The following SMAD6 variants were observed in gnomAD, a reference collection of about 807,000 sequenced individuals.
The protein encoded by SMAD6 is SMAD family member 6, also known as MAD homolog 6.
Under a neutral mutation model 39.4 loss-of-function variants are expected in SMAD6, and 103 were observed. The observed-to-expected ratio is 2.62, with a 90% CI of 2.23 to 3.08. The LOEUF (loss-of-function observed/expected upper bound fraction) is 3.08, where lower values mean the gene tolerates loss of function less well. Ranked by LOEUF, SMAD6 falls within the 30% of genes most tolerant of loss-of-function variation. The probability of loss-of-function intolerance (pLI) is 0.00; values close to 1 mark genes in which losing one functional copy is unlikely to be tolerated. For synonymous variants in SMAD6, 445 were observed against 353.3 expected, an observed-to-expected ratio of 1.26 and a Z score of -2.91; for missense variants, 1,104 against 742.9, an observed-to-expected ratio of 1.49 and a Z score of -5.65.
rs1893039873 is a variant in SMAD6 at position 66,703,821 on chromosome 15, T to G, written c.563T>G (p.Leu188Arg). ...CTGAAGCGGCTCAAGGAGCGCTCGC[T>G]GGACACGCTGCTGGAGGCGGTGGAG... is the stretch of plus-strand genomic sequence containing the variant. The part of the protein sequence containing the change: ...SLLKRLKERS[L>R]DTLLEAVESR... The change falls in exon 1 of 4, where the codon CTG becomes CGG. Residue 188 changes from leucine to arginine, a missense_variant. Leu to Arg is a moderately radical substitution (Grantham distance 102, BLOSUM62 -2). Coordinates refer to ENST00000288840, the MANE Select transcript of SMAD6 (RefSeq NM_005585.5). 2.1e-6 allele frequency: 3 copies of G among 1,421,526 alleles called. No homozygotes were observed. Among genetic ancestry groups the G allele is most frequent in the Non-Finnish European group, 2.8e-6 (3 of 1,076,472 alleles). 88.1% of individuals were successfully genotyped at this position (1,421,526 alleles called of 1,614,324 possible). A position where few individuals can be genotyped will look rare whatever the true frequency, so the allele number is the denominator to read the frequency against.
intron 3 of SMAD6, among the ~76,000 whole-genome samples, chr15:66,731,002 AGCTT>A (rs10549819): frequency 0.023 from 3,540 of 152,302 alleles, 120 homozygotes; most frequent in African/African-American, 0.076. Flanking sequence ...GGCTGTGTAG[AGCTT>A]GTTGTTTTTG....
chr15:66,775,992 C>T (rs1400163544), intron 3 of SMAD6, among the ~76,000 whole-genome samples: 1 of 152,210 alleles, frequency 6.6e-6, no homozygotes, highest in Non-Finnish European at 1.5e-5. Context: ...CATAGTGTTG[C>T]AGAGCACGTC....
intron 3 of SMAD6, among the ~76,000 whole-genome samples, chr15:66,722,948 C>T (rs1354065721): frequency 6.6e-6 from 1 of 152,180 alleles, no homozygotes; most frequent in Non-Finnish European, 1.5e-5. Context: ...CAGGCAAATT[C>T]CTCACCTCTC....
At chr15:66,773,307 C>T (rs1894410423) in intron 3 of SMAD6, among the ~76,000 whole-genome samples, 2 of 152,170 alleles carry the variant, frequency 1.3e-5, no homozygotes, top group African/African-American at 4.8e-5. Context: ...TCGTTCTAAG[C>T]TGTTGACCAT....
chr15:66,716,338 A>G (rs920607023), intron 2 of SMAD6, 83 bp from the exon 3 acceptor site: 14 of 961,970 alleles, frequency 1.5e-5, no homozygotes, highest in African/African-American at 1.1e-4. Context: ...ACACGTGCAC[A>G]TGTACAGAGA....
chr15:66,782,794 C>T lies in SMAD6; in HGVS notation c.*1259C>T, dbSNP rs1004513332. The T allele has an allele frequency of 6.6e-6, 1 of 152,230 alleles. No homozygotes were observed. Among genetic ancestry groups the T allele is most frequent in the African/African-American group, 2.4e-5 (1 of 41,456 alleles). 9.4% of individuals were successfully genotyped at this position (152,230 alleles called of 1,614,324 possible). ...GAGATTTATATTAACATATTAAGTG[C>T]TCTGAGAAGTCCTGTGTATTATCTC... On this transcript the variant is annotated 3_prime_UTR_variant, in exon 4 of 4. Coordinates refer to ENST00000288840, the MANE Select transcript of SMAD6 (RefSeq NM_005585.5).
At chr15:66,755,653 C>T (rs1001647192) in intron 3 of SMAD6, among the ~76,000 whole-genome samples, 1 of 152,232 alleles carries the variant, frequency 6.6e-6, no homozygotes, top group Non-Finnish European at 1.5e-5. Context: ...CTGCAGCTAT[C>T]TGCTTACCTG....
intron 3 of SMAD6, among the ~76,000 whole-genome samples, chr15:66,728,273 C>T (rs1338493015): frequency 6.6e-6 from 1 of 152,244 alleles, no homozygotes; most frequent in South Asian, 2.1e-4. Context: ...TCAGCTCTAT[C>T]CTGACTTCTA....
intron 2 of SMAD6, 95 bp downstream of exon 2, chr15:66,711,819 G>A: frequency 1.0e-6 from 1 of 1,004,106 alleles, no homozygotes; most frequent in Non-Finnish European, 1.6e-6. Flanking sequence ...TGGAGGGCTG[G>A]AGGGCTGGAG....
intron 3 of SMAD6, among the ~76,000 whole-genome samples, chr15:66,721,348 G>A (rs975864551): frequency 6.6e-6 from 1 of 152,078 alleles, no homozygotes; most frequent in African/African-American, 2.4e-5. Context: ...TGTGTGTGTG[G>A]TGTCATTTCC....
intron 3 of SMAD6, among the ~76,000 whole-genome samples, chr15:66,730,343 C>T (rs1279611399): frequency 1.3e-5 from 2 of 152,204 alleles, no homozygotes; most frequent in Non-Finnish European, 2.9e-5. Flanking sequence ...CATGAAAAGC[C>T]TTCCTTCTCC....
chr15:66,703,749 G>T lies in SMAD6; in HGVS notation c.491G>T (p.Arg164Leu). ...GGGRSREARS[R>L]LLLLEQELKT... The stretch of plus-strand genomic sequence containing the variant: ...GGGCGGAGTCGCGAAGCGCGCTCGC[G>T]GCTGCTGCTGCTGGAGCAGGAACTC... The change falls in exon 1 of 4, where the codon CGG becomes CTG. Residue 164 changes from arginine to leucine, a missense_variant. Physicochemically the swap from Arg to Leu is moderately radical, Grantham distance 102. Transcript: ENST00000288840. The T allele has an allele frequency of 7.2e-7, 1 of 1,391,932 alleles. No individual in the cohort carries two copies. Among genetic ancestry groups the T allele is most frequent in the Non-Finnish European group, 9.4e-7 (1 of 1,060,124 alleles). The allele number at this position is 1,391,932 out of a possible 1,614,324, so 86.2% of individuals were successfully genotyped here. A position where few individuals can be genotyped will look rare whatever the true frequency, so the allele number is the denominator to read the frequency against.
Position 66,718,683 on chromosome 15 carries a change from C to CA in SMAD6, c.952+2186dup, listed in dbSNP as rs79660044. On this transcript the variant is annotated intron_variant, in intron 3 of 3. Coordinates refer to ENST00000288840, the MANE Select transcript of SMAD6 (RefSeq NM_005585.5). ...GCTGAGGGCCCACTGTTAGCTTTTC[C>CA]AGCTTGCTCTGTGCTGTAGGGATCT... Among the ~76,000 whole-genome samples the CA allele has an allele frequency of 7.5e-3, 1,149 of 152,256 alleles. 24 individuals carry two copies. The East Asian group carries it at 0.077, about 10-fold the overall frequency.
intron 3 of SMAD6, among the ~76,000 whole-genome samples, chr15:66,728,541 A>T (rs1287540181): frequency 2.0e-5 from 3 of 151,582 alleles, no homozygotes; most frequent in Admixed American, 2.0e-4. Flanking sequence ...TGAGTAGCTG[A>T]GATTACAGGA....
intron 3 of SMAD6, among the ~76,000 whole-genome samples, chr15:66,731,150 TTGG>T (rs1185239008): frequency 6.6e-6 from 1 of 152,210 alleles, no homozygotes; most frequent in Non-Finnish European, 1.5e-5. Context: ...TAAAAGTTCC[TTGG>T]TGAGGCCGGG....
chr15:66,770,604 TCC>T lies in SMAD6; in HGVS notation c.953-10392_953-10391del, dbSNP rs1429535309. Among the ~76,000 whole-genome samples the T allele has an allele frequency of 1.1e-4, 17 of 151,874 alleles. No individual in the cohort carries two copies. In the East Asian group the frequency reaches 3.3e-3, roughly 29 times the overall value. On this transcript the variant is annotated intron_variant, in intron 3 of 3. Transcript: ENST00000288840. Reference sequence around the variant, plus strand: ...GAAAACAAACAAACACACTCCAGAGTCCGACTTTATGATAAAACAAAAGAGGA... The same window carrying T: ...GAAAACAAACAAACACACTCCAGAGTGACTTTATGATAAAACAAAAGAGGA...
chr15:66,778,212 C>T (rs1894500095), intron 3 of SMAD6, among the ~76,000 whole-genome samples: 1 of 151,900 alleles, frequency 6.6e-6, no homozygotes, highest in Admixed American at 6.6e-5. Flanking sequence ...TCCCAAGTAG[C>T]TGGGACTACA....
intron 3 of SMAD6, among the ~76,000 whole-genome samples, chr15:66,733,108 G>C (rs931391551): frequency 6.6e-6 from 1 of 151,966 alleles, no homozygotes; most frequent in Admixed American, 6.6e-5. Flanking sequence ...TAAAATAGTT[G>C]ATATATATGT....
intron 3 of SMAD6, among the ~76,000 whole-genome samples, chr15:66,756,342 G>C (rs914014218): frequency 6.6e-6 from 1 of 152,038 alleles, no homozygotes; most frequent in Non-Finnish European, 1.5e-5. Context: ...TTAAATTACA[G>C]GCCAGCCCGT....
Sources: gnomAD v4.1 joint callset for allele counts (sites outside exome capture counted in the v4.1 genomes callset) on GRCh38, gnomAD v4.1.1 for gene constraint, MANE v1.5 for transcripts, NCBI Gene and HGNC (gene_info 2026-07-23, HGNC 2026-07-21) for gene names.